The following GTF3C4 variants were observed in gnomAD, a reference collection of about 807,000 sequenced individuals.
The protein encoded by GTF3C4 is general transcription factor 3C polypeptide 4.
GTF3C4 carries 28 observed loss-of-function variants against 67.5 expected under a neutral mutation model. That is an observed-to-expected ratio of 0.41 (90% CI 0.31 to 0.57). GTF3C4 has a LOEUF of 0.57. Ranked by LOEUF, GTF3C4 falls within the 20% of genes least tolerant of loss-of-function variation. The pLI, the probability that GTF3C4 is intolerant of heterozygous loss-of-function variation, is 0.21. For missense variants in GTF3C4, 831 were observed against 1,033.2 expected (o/e 0.80, Z 2.68); for synonymous variants, 409 against 393.0 (o/e 1.04, Z -0.48).
At position 132,678,619 on chromosome 9, in the gene GTF3C4, G is replaced by A; in HGVS notation, c.1000G>A (p.Gly334Arg). 6.2e-7 allele frequency: 1 copy of A among 1,614,086 alleles called. No individual in the cohort carries two copies. The highest frequency in any genetic ancestry group is 8.5e-7 in the Non-Finnish European group (1 of 1,180,010). ...TCGAAAAATGAGTGGCCTTATTGTG[G>A]GGAGTGCTTTTGGACCCATAAAAAT... is the stretch of plus-strand genomic sequence containing the variant. ...NNRKMSGLIV[G>R]SAFGPIKILP... Residue 334 changes from glycine to arginine, a missense_variant, in exon 2 of 5, where the codon GGG becomes AGG. Physicochemically the swap from Gly to Arg is moderately radical, Grantham distance 125. Around this residue, in one of 4 missense-constraint regions of GTF3C4, gnomAD observed 390 missense variants for 540.3 expected, o/e 0.72. Coordinates refer to ENST00000372146, the MANE Select transcript of GTF3C4 (RefSeq NM_012204.4). This position sits in a 1 kb window ranked among gnomAD's most constrained non-coding sequence, Gnocchi z 6.5.
intron 1 of GTF3C4, among the ~76,000 whole-genome samples, chr9:132,675,054 A>G (rs1835844266): frequency 6.6e-6 from 1 of 152,210 alleles, no homozygotes; most frequent in Non-Finnish European, 1.5e-5. Context: ...CTTAGTCCTC[A>G]GAGTATATTA....
At chr9:132,676,223 A>G (rs940338090) in intron 1 of GTF3C4, among the ~76,000 whole-genome samples, 1 of 145,640 alleles carries the variant, frequency 6.9e-6, no homozygotes, top group African/African-American at 2.6e-5. Context: ...TCTAATCATC[A>G]CTCCTGTCTG....
intron 1 of GTF3C4, 31 bp from the exon 2 acceptor site, chr9:132,677,946 A>G: frequency 6.5e-7 from 1 of 1,548,716 alleles, no homozygotes; most frequent in Non-Finnish European, 8.7e-7. Context: ...GTAAATGCTC[A>G]TCTGATAGTT....
chr9:132,674,115 G>T (rs958418902), intron 1 of GTF3C4, among the ~76,000 whole-genome samples: 1 of 152,170 alleles, frequency 6.6e-6, no homozygotes, highest in Non-Finnish European at 1.5e-5. Context: ...CTGTCTAAAA[G>T]CTTCAAGTGA....
At position 132,678,634 on chromosome 9, in the gene GTF3C4, C is replaced by T; in HGVS notation, c.1015C>T (p.Pro339Ser). Residue 339 changes from proline (P) to serine (S), a missense_variant, in exon 2 of 5, where the codon CCC becomes TCC. Around this residue, in one of 4 missense-constraint regions of GTF3C4, gnomAD observed 390 missense variants for 540.3 expected, o/e 0.72. Coordinates refer to ENST00000372146, the MANE Select transcript of GTF3C4 (RefSeq NM_012204.4). This position sits in a 1 kb window ranked among gnomAD's most constrained non-coding sequence, Gnocchi z 6.5. ...SGLIVGSAFG[P>S]IKILPVNLKA... ...CCTTATTGTGGGGAGTGCTTTTGGA[C>T]CCATAAAAATTCTTCCTGTCAATCT... 1.2e-6 allele frequency: 2 copies of T among 1,613,924 alleles called. No homozygotes were observed. Among genetic ancestry groups the T allele is most frequent in the South Asian group, 1.1e-5 (1 of 91,076 alleles).
chr9:132,686,278 T>G (rs985668524), intron 3 of GTF3C4, among the ~76,000 whole-genome samples: 3 of 152,210 alleles, frequency 2.0e-5, no homozygotes, highest in African/African-American at 4.8e-5. Context: ...GAAAACTGTT[T>G]TCATTTTTCT....
rs1836086538 is a variant in GTF3C4 at position 132,689,770 on chromosome 9, T to C, written c.*825T>C. On this transcript the variant is annotated 3_prime_UTR_variant, in exon 5 of 5. Transcript: ENST00000372146. ...TTGTACACAGAGGAAAAAAAGATAT[T>C]TTCCTCTTTTAGTAATAAGACTTTC... 6.6e-6 allele frequency: 1 copy of C among 152,184 alleles called. No individual in the cohort carries two copies. Among genetic ancestry groups the C allele is most frequent in the Admixed American group, 6.5e-5 (1 of 15,276 alleles). 9.4% of individuals were successfully genotyped at this position (152,184 alleles called of 1,614,324 possible). A position where few individuals can be genotyped will look rare whatever the true frequency, so the allele number is the denominator to read the frequency against.
intron 4 of GTF3C4, 22 bp downstream of exon 4, chr9:132,687,349 G>T (rs758637791): frequency 8.6e-7 from 1 of 1,166,176 alleles, no homozygotes; most frequent in South Asian, 1.2e-5. Flanking sequence ...CCCTTACTTG[G>T]GAGGGTGGGT....
At position 132,678,004 on chromosome 9, in the gene GTF3C4, T is replaced by G. The variant is rs1476543075; in HGVS notation, c.385T>G (p.Cys129Gly). Residue 129 changes from cysteine to glycine, a missense_variant, in exon 2 of 5, where the codon TGC becomes GGC. Physicochemically the swap from Cys to Gly is radical, Grantham distance 159. Coordinates refer to ENST00000372146, the MANE Select transcript of GTF3C4 (RefSeq NM_012204.4). The surrounding 1 kb of genome is among the most constrained non-coding windows in gnomAD (Gnocchi z 6.5). ...KVGSKTEVAECKEKFAASKDP... is the reference protein window; with the variant it reads ...KVGSKTEVAEGKEKFAASKDP... ...TGGCTCAAAAACAGAAGTTGCTGAG[T>G]GCAAGGAGAAATTCGCCGCCTCCAA... The G allele has an allele frequency of 6.2e-7, 1 of 1,611,634 alleles. No individual in the cohort carries two copies. Among genetic ancestry groups the G allele is most frequent in the Non-Finnish European group, 8.5e-7 (1 of 1,178,976 alleles).
chr9:132,685,032 T>TG (rs1476897295), intron 3 of GTF3C4, among the ~76,000 whole-genome samples: 3 of 150,400 alleles, frequency 2.0e-5, no homozygotes, highest in South Asian at 2.1e-4. Context: ...TTTTTTTTTT[T>TG]GAGACAGGGT....
intron 1 of GTF3C4, among the ~76,000 whole-genome samples, chr9:132,671,322 C>T (rs1272657995): frequency 6.6e-6 from 1 of 152,156 alleles, no homozygotes; most frequent in Non-Finnish European, 1.5e-5. Context: ...CCGGGGCCTG[C>T]CTCTGTCGTT....
intron 1 of GTF3C4, among the ~76,000 whole-genome samples, chr9:132,674,294 G>A (rs1189168697): frequency 6.6e-6 from 1 of 152,230 alleles, no homozygotes; most frequent in East Asian, 1.9e-4. Context: ...CTGGGAGCTG[G>A]ACTTTTTAAG....
At chr9:132,687,690 C>T (rs1217121612) in intron 4 of GTF3C4, among the ~76,000 whole-genome samples, 2 of 152,186 alleles carry the variant, frequency 1.3e-5, no homozygotes, top group Admixed American at 6.5e-5. Flanking sequence ...ATACTTTATA[C>T]GAAGACATTA....
rs1406614629 is a variant in GTF3C4 at position 132,678,786 on chromosome 9, C to T, written c.1167C>T (p.Ser389=). Residue 389 remains serine, a synonymous_variant, in exon 2 of 5, where the codon AGC becomes AGT. Coordinates refer to ENST00000372146, the MANE Select transcript of GTF3C4 (RefSeq NM_012204.4). The surrounding 1 kb of genome is among the most constrained non-coding windows in gnomAD (Gnocchi z 6.5). Reference sequence around the variant, plus strand: ...ATCCTTACCAGAAGTGTAGTTGCAGCTTAGTAGTGGCTGCAAGAGGCTCTT... The same window carrying T: ...ATCCTTACCAGAAGTGTAGTTGCAGTTTAGTAGTGGCTGCAAGAGGCTCTT... ...LYHPYQKCSC[S]LVVAARGSYV... is the part of the protein sequence containing the mutation. 5.0e-6 allele frequency: 8 copies of T among 1,614,014 alleles called. No individual in the cohort carries two copies. The highest frequency in any genetic ancestry group is 1.3e-5 in the African/African-American group (1 of 74,918).
chr9:132,671,999 C>T (rs560780296), intron 1 of GTF3C4, among the ~76,000 whole-genome samples: 2 of 152,134 alleles, frequency 1.3e-5, no homozygotes, highest in Non-Finnish European at 2.9e-5. Flanking sequence ...GCAGATAACC[C>T]TCATCACTTT....
At chr9:132,680,381 G>A (rs1835923128) in intron 2 of GTF3C4, among the ~76,000 whole-genome samples, 2 of 152,192 alleles carry the variant, frequency 1.3e-5, no homozygotes, top group African/African-American at 2.4e-5. Context: ...AGGGTTCCCA[G>A]TGCATATTAC....
intron 3 of GTF3C4, 138 bp from the exon 4 acceptor site, chr9:132,687,101 A>T (rs902356344): frequency 1.4e-6 from 1 of 712,068 alleles, no homozygotes; most frequent in Admixed American, 1.9e-5. Flanking sequence ...ATGCATTGTT[A>T]TGTGAATGTA....
intron 3 of GTF3C4, among the ~76,000 whole-genome samples, chr9:132,684,643 G>A (rs1835998537): frequency 6.6e-6 from 1 of 152,214 alleles, no homozygotes; most frequent in South Asian, 2.1e-4. Flanking sequence ...ACTCCAGGCA[G>A]AATGGCTTCA....
chr9:132,688,369 A>T (rs1836062233), intron 4 of GTF3C4, among the ~76,000 whole-genome samples: 1 of 152,244 alleles, frequency 6.6e-6, no homozygotes, highest in Non-Finnish European at 1.5e-5. Flanking sequence ...ATTGACTTTG[A>T]GTCTAGCCAT....
Sources: gnomAD v4.1 joint callset for allele counts (sites outside exome capture counted in the v4.1 genomes callset) on GRCh38, gnomAD v4.1.1 for gene constraint, gnomAD v4.1.1 regional missense constraint, Gnocchi (gnomAD v3.1) non-coding constraint, MANE v1.5 for transcripts, NCBI Gene and HGNC (gene_info 2026-07-23, HGNC 2026-07-21) for gene names.